Variants in COL6A1 observed in about 807,000 individuals in gnomAD.
The protein encoded by COL6A1 is collagen alpha-1(VI) chain.
Under a neutral mutation model 145.6 loss-of-function variants are expected in COL6A1, and 80 were observed. The ratio of observed to expected loss-of-function variants is 0.55; its 90% CI spans 0.46 to 0.66. The LOEUF is 0.66. COL6A1 is among the 30% of genes least tolerant of loss of function. The pLI is 0.00. For synonymous variants in COL6A1, 638 were observed against 622.8 expected, an observed-to-expected ratio of 1.02 and a Z score of -0.36; for missense variants, 1,364 against 1,473.8, an observed-to-expected ratio of 0.93 and a Z score of 1.22.
At chr21:46,001,858 C>T (rs941148145) in intron 30 of COL6A1, 103 bp from the exon 31 acceptor site, 20 of 982,590 alleles carry the variant, frequency 2.0e-5, no homozygotes, top group Non-Finnish European at 3.0e-5. Flanking sequence ...GTCCTGGGGG[C>T]CATGCCACCC....
intron 23 of COL6A1, 35 bp from the exon 24 acceptor site, chr21:45,998,363 G>C (rs1281760286): frequency 1.9e-6 from 3 of 1,612,930 alleles, no homozygotes; most frequent in Non-Finnish European, 2.5e-6. Flanking sequence ...TCTCAAATCA[G>C]AACCCGGTAT....
Position 45,992,184 on chromosome 21 carries a change from G to A in COL6A1, c.1203G>A (p.Gly401=). Residue 401 remains glycine, a synonymous_variant, in exon 17 of 35, where the codon GGG becomes GGA. Coordinates refer to ENST00000361866, the MANE Select transcript of COL6A1 (RefSeq NM_001848.3). The stretch of plus-strand genomic sequence containing the variant: ...CACAGGGCCAGCCGGGAGAGCCTGG[G>A]CCCCCCGGAGAGAAAGGAGAGGCGG... ...SGDEGQPGEP[G]PPGEKGEAGD... 6.2e-7 allele frequency: 1 copy of A among 1,613,742 alleles called. No individual in the cohort carries two copies. The highest frequency in any genetic ancestry group is 1.1e-5 in the South Asian group (1 of 91,078).
intron 1 of COL6A1, 109 bp from the exon 2 acceptor site, chr21:45,982,525 G>T: frequency 6.6e-7 from 1 of 1,522,420 alleles, no homozygotes; most frequent in South Asian, 1.2e-5. Flanking sequence ...GCCTCTCCGG[G>T]CCCGGGGCTC....
rs1353804019 is a variant in COL6A1, at chr21:46,004,308, C to T, written c.*295C>T. The T allele has an allele frequency of 1.8e-5, 9 of 498,010 alleles. No individual in the cohort carries two copies. In the East Asian group the frequency reaches 3.2e-4, roughly 18 times the overall value. The allele number at this position is 498,010 out of a possible 1,614,324, so 30.8% of individuals were successfully genotyped here. A position where few individuals can be genotyped will look rare whatever the true frequency, so the allele number is the denominator to read the frequency against. ...CTGAGCTGGCGTCACCTGTGCAGGGCCCTCTGGGGCTCAGCCCTGAGCTGG... is the reference window on the plus strand; with the variant it reads ...CTGAGCTGGCGTCACCTGTGCAGGGTCCTCTGGGGCTCAGCCCTGAGCTGG... On this transcript the variant is annotated 3_prime_UTR_variant, in exon 35 of 35. Coordinates refer to ENST00000361866, the MANE Select transcript of COL6A1 (RefSeq NM_001848.3).
rs148827769 is a variant in COL6A1 at position 46,002,827 on chromosome 21, G to A, written c.2434+117G>A. On this transcript the variant is annotated intron_variant, in intron 33 of 34. Transcript: ENST00000361866. ...GCCGCCCGGGCAGTCCCAGATCTGCGTAGGTGCACGCGGGGCCGCCCAGGG... is the reference window on the plus strand; with the variant it reads ...GCCGCCCGGGCAGTCCCAGATCTGCATAGGTGCACGCGGGGCCGCCCAGGG... The A allele has an allele frequency of 5.9e-3, 7,514 of 1,275,978 alleles. 74 individuals are homozygous for A. Among genetic ancestry groups the A allele is most frequent in the South Asian group, 6.9e-3 (546 of 79,600 alleles). The allele number at this position is 1,275,978 out of a possible 1,614,324, so 79.0% of individuals were successfully genotyped here.
intron 1 of COL6A1, 70 bp downstream of exon 1, chr21:45,982,017 G>T (rs138754296): frequency 3.5e-5 from 45 of 1,279,942 alleles, no homozygotes; most frequent in Non-Finnish European, 4.8e-5. Context: ...CAGATGCGCG[G>T]GGTCCCCTCC....
At chr21:45,988,862 G>T (rs1184081950) in intron 8 of COL6A1, among the ~76,000 whole-genome samples, 1 of 152,146 alleles carries the variant, frequency 6.6e-6, no homozygotes, top group African/African-American at 2.4e-5. Flanking sequence ...GTGCCTGGGG[G>T]TCAGCAAAGC....
At chr21:45,992,140 C>G (rs753766338) in intron 16 of COL6A1, 24 bp from the exon 17 acceptor site, 10 of 1,613,640 alleles carry the variant, frequency 6.2e-6, no homozygotes, top group Non-Finnish European at 7.6e-6. Context: ...GATGGAGCGA[C>G]CATTCAACCC....
At chr21:45,988,990 G>A in intron 8 of COL6A1, 94 bp from the exon 9 acceptor site, 2 of 1,468,508 alleles carry the variant, frequency 1.4e-6, no homozygotes, top group Admixed American at 1.9e-5. Flanking sequence ...ATCCCTGAAG[G>A]CTGGATGAAG....
chr21:45,997,708 A>C lies in COL6A1; in HGVS notation c.1470A>C (p.Arg490Ser), dbSNP rs771709929. ...DEGPPGSEGA[R>S]GAPGPAGPPG... Reference sequence around the variant, plus strand: ...CTCCTCTTCCTCCTCAGGGTGCCAGAGGAGCCCCAGGACCTGCCGGACCCC... The same window carrying C: ...CTCCTCTTCCTCCTCAGGGTGCCAGCGGAGCCCCAGGACCTGCCGGACCCC... Residue 490 changes from arginine (R) to serine (S), a missense_variant, in exon 22 of 35, where the codon AGA (arginine) becomes AGC (serine). Transcript: ENST00000361866. 1.3e-6 allele frequency: 2 copies of C among 1,591,238 alleles called. No homozygotes were observed. The highest frequency in any genetic ancestry group is 4.6e-5 in the East Asian group (2 of 43,788).
intron 13 of COL6A1, 96 bp downstream of exon 13, chr21:45,990,518 GGGATGGGGT>G: frequency 2.2e-6 from 3 of 1,355,276 alleles, no homozygotes; most frequent in Non-Finnish European, 3.1e-6. Flanking sequence ...GACCCGGGGA[GGGATGGGGT>G]GGACAGTGTG....
In COL6A1 at chr21:45,997,742, C is replaced by G; in HGVS notation, c.1504C>G (p.Pro502Ala). 1 of 1,595,542 alleles carries G rather than the reference C, an allele frequency of 6.3e-7. No homozygotes were observed. Residue 502 changes from proline to alanine, a missense_variant, in exon 22 of 35, where the codon CCG (proline) becomes GCG (alanine). Pro to Ala is a conservative substitution (Grantham distance 27). Transcript: ENST00000361866. ...APGPAGPPGD[P>A]GLMGERGEDG... ...AGGACCTGCCGGACCCCCTGGAGAC[C>G]CGGGGCTGATGGGTGAAAGGGTGAG... is the stretch of plus-strand genomic sequence containing the variant.
chr21:45,998,136 G>A lies in COL6A1; in HGVS notation c.1540G>A (p.Ala514Thr), dbSNP rs760815168. The change falls in exon 23 of 35, where the codon GCT becomes ACT. Residue 514 changes from alanine to threonine, a missense_variant. Around this residue, in one of 3 missense-constraint regions of COL6A1, gnomAD observed 938 missense variants for 1,003.8 expected, o/e 0.93. Coordinates refer to ENST00000361866, the MANE Select transcript of COL6A1 (RefSeq NM_001848.3). The part of the protein sequence containing the change: ...LMGERGEDGP[A>T]GNGTEGFPGF... ...GCTCCCCCAGGGAGAAGACGGCCCC[G>A]CTGGAAATGGCACCGAGGGCTTCCC... The A allele has an allele frequency of 3.0e-5, 49 of 1,612,166 alleles. No individual in the cohort carries two copies. The highest frequency in any genetic ancestry group is 2.2e-4 in the Admixed American group (13 of 59,964).
chr21:45,997,871 A>G, intron 22 of COL6A1, 109 bp downstream of exon 22: 1 of 1,274,420 alleles, frequency 7.8e-7, no homozygotes, highest in Non-Finnish European at 1.1e-6. Flanking sequence ...CCGGGCCGGG[A>G]GTGCCCGCAG....
rs201516559 is a variant in COL6A1, at chr21:45,994,149, C to A, written c.1336-18C>A. 7.6e-6 allele frequency: 12 copies of A among 1,589,198 alleles called. No individual in the cohort carries two copies. Among genetic ancestry groups the A allele is most frequent in the Non-Finnish European group, 1.0e-5 (12 of 1,168,748 alleles). On this transcript the variant is annotated intron_variant, in intron 19 of 34. Transcript: ENST00000361866. This position sits in a 1 kb window ranked among gnomAD's most constrained non-coding sequence, Gnocchi z 6.8. Reference sequence around the variant, plus strand: ...CAAGGATGGCCCAGCTCCACACTCACGGCTCGTTTCTCTTCAGGGTGAAGC... The same window carrying A: ...CAAGGATGGCCCAGCTCCACACTCAAGGCTCGTTTCTCTTCAGGGTGAAGC...
Position 46,002,250 on chromosome 21 carries a change from G to A in COL6A1, c.2099G>A (p.Gly700Asp), listed in dbSNP as rs2077850809. The change falls in exon 32 of 35, where the codon GGC becomes GAC. Residue 700 changes from glycine (G) to aspartate (D), a missense_variant. Gly to Asp is a moderately conservative substitution (Grantham distance 94). Around this residue, in one of 3 missense-constraint regions of COL6A1, gnomAD observed 938 missense variants for 1,003.8 expected, o/e 0.93. Coordinates refer to ENST00000361866, the MANE Select transcript of COL6A1 (RefSeq NM_001848.3). The stretch of plus-strand genomic sequence containing the variant: ...AAGAGCCTGCAGTGGATGGCGGGCG[G>A]CACCTTCACGGGGGAGGCCCTGCAG... ...AIKSLQWMAG[G>D]TFTGEALQYT... The A allele has an allele frequency of 1.2e-6, 2 of 1,602,182 alleles. No individual in the cohort carries two copies. The highest frequency in any genetic ancestry group is 1.7e-6 in the Non-Finnish European group (2 of 1,177,366).
chr21:45,992,425 T>C (rs1245883207), intron 18 of COL6A1, 27 bp downstream of exon 18: 1 of 1,609,892 alleles, frequency 6.2e-7, no homozygotes, highest in Non-Finnish European at 8.5e-7. Context: ...CAGCCTGCGC[T>C]GTTGGCCTCA....
chr21:45,983,725 G>A (rs1268852953), intron 2 of COL6A1, among the ~76,000 whole-genome samples: 4 of 152,220 alleles, frequency 2.6e-5, no homozygotes, highest in East Asian at 3.9e-4. Flanking sequence ...CCCCCGAGTC[G>A]CCCTTGTTGC....
chr21:45,989,269 C>T, intron 9 of COL6A1, 132 bp downstream of exon 9: 2 of 1,026,646 alleles, frequency 1.9e-6, no homozygotes, highest in Non-Finnish European at 1.4e-6. Context: ...TGGGTGGGAG[C>T]AGACCTGGAG....
Sources: gnomAD v4.1 joint callset for allele counts (sites outside exome capture counted in the v4.1 genomes callset) on GRCh38, gnomAD v4.1.1 for gene constraint, gnomAD v4.1.1 regional missense constraint, Gnocchi (gnomAD v3.1) non-coding constraint, MANE v1.5 for transcripts, NCBI Gene and HGNC (gene_info 2026-07-23, HGNC 2026-07-21) for gene names.